Variants in CREBL2 observed in about 807,000 individuals in gnomAD.
The protein encoded by CREBL2 is cAMP responsive element binding protein like 2, also known as cAMP-responsive element-binding protein-like 2.
A neutral mutation model predicts 19.5 loss-of-function variants in CREBL2; 4 were observed. That is an observed-to-expected ratio of 0.20 (90% CI 0.10 to 0.47). The LOEUF (loss-of-function observed/expected upper bound fraction) is 0.47, where lower values mean the gene tolerates loss of function less well. CREBL2 is among the 20% of genes least tolerant of loss of function. The probability of loss-of-function intolerance (pLI) is 0.98; values close to 1 mark genes in which losing one functional copy is unlikely to be tolerated. For missense variants in CREBL2, 85 were observed against 145.1 expected (o/e 0.59, Z 2.13); for synonymous variants, 42 against 46.6 (o/e 0.90, Z 0.40).
intron 1 of CREBL2, among the ~76,000 whole-genome samples, chr12:12,626,631 A>G (rs1945403730): frequency 6.6e-6 from 1 of 152,228 alleles, no homozygotes; most frequent in South Asian, 2.1e-4. Context: ...TTCTTAGTAT[A>G]TTCACAGAAT....
At chr12:12,619,072 A>AAAG in intron 1 of CREBL2, among the ~76,000 whole-genome samples, 1 of 50,132 alleles carries the variant, frequency 2.0e-5, no homozygotes, top group Non-Finnish European at 7.6e-5. Flanking sequence ...AGGGAGAGGG[A>AAAG]GAGGAGGGAG....
At chr12:12,618,148 G>A (rs1423047582) in intron 1 of CREBL2, among the ~76,000 whole-genome samples, 4 of 152,108 alleles carry the variant, frequency 2.6e-5, no homozygotes, top group African/African-American at 7.2e-5. Flanking sequence ...AACTGCCATC[G>A]TCATCATGGC....
chr12:12,613,000 C>T (rs1346842498), intron 1 of CREBL2, among the ~76,000 whole-genome samples: 4 of 152,080 alleles, frequency 2.6e-5, no homozygotes, highest in African/African-American at 4.8e-5. Flanking sequence ...GCCTCCCGAG[C>T]AGCTGGGATT....
chr12:12,620,130 T>A (rs1030159025), intron 1 of CREBL2, among the ~76,000 whole-genome samples: 2 of 152,204 alleles, frequency 1.3e-5, no homozygotes, highest in African/African-American at 4.8e-5. Flanking sequence ...TTTCCTGTCC[T>A]CTTACTCACA....
chr12:12,627,960 A>G (rs1350417241), intron 1 of CREBL2, among the ~76,000 whole-genome samples: 1 of 151,802 alleles, frequency 6.6e-6, no homozygotes, highest in African/African-American at 2.4e-5. Context: ...GCTCACTGCA[A>G]CCTCCAACTC....
At chr12:12,628,868 T>G (rs1416488213) in intron 1 of CREBL2, among the ~76,000 whole-genome samples, 2 of 152,256 alleles carry the variant, frequency 1.3e-5, no homozygotes, top group Non-Finnish European at 2.9e-5. Flanking sequence ...CACCCTTTAT[T>G]GAAGAGACTA....
intron 1 of CREBL2, among the ~76,000 whole-genome samples, chr12:12,630,167 G>A (rs1945433051): frequency 6.6e-6 from 1 of 152,036 alleles, no homozygotes; most frequent in Non-Finnish European, 1.5e-5. Context: ...GAGTTTGTGA[G>A]GTTAATTATT....
chr12:12,624,811 G>C (rs983581111), intron 1 of CREBL2, among the ~76,000 whole-genome samples: 1 of 152,182 alleles, frequency 6.6e-6, no homozygotes, highest in Non-Finnish European at 1.5e-5. Flanking sequence ...ATCTGCACTT[G>C]TGGCTCCCAA....
intron 1 of CREBL2, among the ~76,000 whole-genome samples, chr12:12,628,724 G>A (rs934993213): frequency 6.6e-6 from 1 of 151,588 alleles, no homozygotes. Context: ...AGATCCTCTC[G>A]CCCCAGCCTC....
At chr12:12,636,603 A>G (rs2136306478) in intron 2 of CREBL2, among the ~76,000 whole-genome samples, 1 of 152,044 alleles carries the variant, frequency 6.6e-6, no homozygotes, top group African/African-American at 2.4e-5. Flanking sequence ...TTGTATTTTT[A>G]GTAGAGATGG....
At chr12:12,639,494 GGGTATGGAGT>G (rs1945501208) in intron 3 of CREBL2, among the ~76,000 whole-genome samples, 2 of 152,116 alleles carry the variant, frequency 1.3e-5, no homozygotes, top group African/African-American at 4.8e-5. Context: ...CCATCCTAAT[GGGTATGGAGT>G]GGTATCTCAT....
intron 1 of CREBL2, among the ~76,000 whole-genome samples, chr12:12,617,703 G>A (rs1453423646): frequency 6.2e-5 from 4 of 64,410 alleles, no homozygotes; most frequent in African/African-American, 1.9e-4. Context: ...ATCATTCTTG[G>A]GTGTTTCTCA....
intron 1 of CREBL2, among the ~76,000 whole-genome samples, chr12:12,619,201 G>A (rs1388396746): frequency 2.0e-5 from 3 of 152,198 alleles, no homozygotes; most frequent in African/African-American, 4.8e-5. Flanking sequence ...CAGGGGCAGT[G>A]GGGTGGGACA....
chr12:12,641,360 T>C (rs1165046222), intron 3 of CREBL2, among the ~76,000 whole-genome samples: 5 of 149,730 alleles, frequency 3.3e-5, no homozygotes, highest in Non-Finnish European at 7.4e-5. Flanking sequence ...CAGGCTGGAG[T>C]GCAGTGGCAC....
At chr12:12,629,629 G>C (rs2136303809) in intron 1 of CREBL2, among the ~76,000 whole-genome samples, 2 of 151,912 alleles carry the variant, frequency 1.3e-5, no homozygotes, top group Middle Eastern at 6.8e-3. Context: ...ATTTTTTCTT[G>C]GTAGTTCAGT....
At chr12:12,623,085 CTTTGTAACAACTTCTTTTTTTTTTTTTTT>C (rs1448111218) in intron 1 of CREBL2, among the ~76,000 whole-genome samples, 1 of 137,430 alleles carries the variant, frequency 7.3e-6, no homozygotes, top group Non-Finnish European at 1.5e-5. Flanking sequence ...GGGAGCATTT[CTTTGTAACAACTTCTTTTTTTTTTTTTTT>C]TTTGTAACAA....
At chr12:12,630,499 G>A (rs943906626) in intron 1 of CREBL2, among the ~76,000 whole-genome samples, 11 of 151,892 alleles carry the variant, frequency 7.2e-5, no homozygotes, top group Admixed American at 5.9e-4. Flanking sequence ...CTAATGGTCC[G>A]TCTAGCTAAA....
rs4555 is a variant in CREBL2 at position 12,643,938 on chromosome 12, T to C, written c.*1940T>C. ...GCAAAACAACCCAAAACTTACTTTA[T>C]GTTGCTTTGTTCAGTACCTTTTGAA... On this transcript the variant is annotated 3_prime_UTR_variant, in exon 4 of 4. Transcript: ENST00000228865. The C allele has an allele frequency of 0.44, 67,300 of 152,554 alleles. 16,727 individuals carry two copies. Among genetic ancestry groups the C allele is most frequent in the Non-Finnish European group, 0.56 (37,957 of 67,966 alleles). The allele number at this position is 152,554 out of a possible 1,614,324, so 9.5% of individuals were successfully genotyped here.
chr12:12,629,582 G>C (rs1033377642), intron 1 of CREBL2, among the ~76,000 whole-genome samples: 1 of 152,144 alleles, frequency 6.6e-6, no homozygotes, highest in East Asian at 1.9e-4. Context: ...CAAGGAGATA[G>C]CTTTACTTTT....
Sources: gnomAD v4.1 joint callset for allele counts (sites outside exome capture counted in the v4.1 genomes callset) on GRCh38, gnomAD v4.1.1 for gene constraint, MANE v1.5 for transcripts, NCBI Gene and HGNC (gene_info 2026-07-23, HGNC 2026-07-21) for gene names.